Variants in MOSPD2 observed in about 807,000 individuals in gnomAD.
MOSPD2 encodes the protein motile sperm domain containing 2, also known as motile sperm domain-containing protein 2.
A neutral mutation model predicts 41.7 loss-of-function variants in MOSPD2; 5 were observed. The ratio of observed to expected loss-of-function variants is 0.12; its 90% CI spans 0.06 to 0.25. The LOEUF (loss-of-function observed/expected upper bound fraction) is 0.25, where lower values mean the gene tolerates loss of function less well. Among genes scored for constraint, MOSPD2 ranks in the 10% least tolerant of loss-of-function variants. MOSPD2 has a pLI of 1.00. For synonymous variants in MOSPD2, 115 were observed against 126.9 expected, an observed-to-expected ratio of 0.91 and a Z score of 0.63; for missense variants, 282 against 375.2, an observed-to-expected ratio of 0.75 and a Z score of 2.05.
chrX:14,910,160 A>C (rs2092589128), intron 8 of MOSPD2, among the ~76,000 whole-genome samples: 2 of 110,609 alleles, frequency 1.8e-5, no homozygotes, highest in South Asian at 3.7e-4. Flanking sequence ...TTTTTCAAAA[A>C]ATAATACATA....
At chrX:14,893,957 T>C (rs1357321182) in intron 3 of MOSPD2, among the ~76,000 whole-genome samples, 1 of 112,042 alleles carries the variant, frequency 8.9e-6, no homozygotes, top group Non-Finnish European at 1.9e-5. Flanking sequence ...GAAAGATAAA[T>C]CTTTGAAAGG....
At chrX:14,873,603 C>A in intron 1 of MOSPD2, 66 bp downstream of exon 1, 5 of 1,208,083 alleles carry the variant, frequency 4.1e-6, no homozygotes, top group Non-Finnish European at 4.5e-6. Context: ...GCCCGGGGAC[C>A]GAGCGCCCGT....
intron 2 of MOSPD2, among the ~76,000 whole-genome samples, chrX:14,889,883 GACA>G (rs1354455119): frequency 9.0e-6 from 1 of 111,363 alleles, no homozygotes; most frequent in Non-Finnish European, 1.9e-5. Flanking sequence ...TGGTAAAAAT[GACA>G]ACAACAACAA....
intron 2 of MOSPD2, among the ~76,000 whole-genome samples, chrX:14,879,838 A>T (rs1341045455): frequency 9.0e-6 from 1 of 111,158 alleles, no homozygotes; most frequent in Non-Finnish European, 1.9e-5. Flanking sequence ...AACTTAAAAA[A>T]AAATTGCCCA....
At chrX:14,919,186 A>G in intron 14 of MOSPD2, among the ~76,000 whole-genome samples, 1 of 111,981 alleles carries the variant, frequency 8.9e-6, no homozygotes, top group Non-Finnish European at 1.9e-5. Context: ...AGCCTGGGCA[A>G]CAGAACAAGA....
Position 14,914,431 on chromosome X carries a change from C to A in MOSPD2, c.993-72C>A, listed in dbSNP as rs1034703029. ...CATAAGATATTAACTAAATATTTTT[C>A]TTCAAGCTAAATGATTAGATTGTCA... On this transcript the variant is annotated intron_variant, in intron 10 of 14. Coordinates refer to ENST00000380492, the MANE Select transcript of MOSPD2 (RefSeq NM_152581.4). 37 of 658,024 alleles carry A rather than the reference C, an allele frequency of 5.6e-5. No homozygotes were observed. The Admixed American group carries it at 6.9e-4, about 12-fold the overall frequency. The allele number at this position is 658,024 out of a possible 1,213,427, so 54.2% of individuals were successfully genotyped here.
chrX:14,899,606 A>ACACACACACAC (rs1569103813), intron 5 of MOSPD2, among the ~76,000 whole-genome samples: 5 of 105,598 alleles, frequency 4.7e-5, no homozygotes, highest in Admixed American at 1.0e-4. Context: ...ACACACACAC[A>ACACACACACAC]AAGGTATTAT....
intron 7 of MOSPD2, among the ~76,000 whole-genome samples, chrX:14,906,395 A>G (rs1350807680): frequency 8.9e-6 from 1 of 111,791 alleles, no homozygotes; most frequent in Non-Finnish European, 1.9e-5. Context: ...TCCACATTCA[A>G]AGGAATGAAG....
chrX:14,892,903 C>G, intron 3 of MOSPD2, 25 bp downstream of exon 3: 2 of 1,115,577 alleles, frequency 1.8e-6, no homozygotes, highest in East Asian at 6.0e-5. Flanking sequence ...TTAACCTTGA[C>G]TGTAATATAT....
chrX:14,919,684 C>G lies in MOSPD2; in HGVS notation c.1432C>G (p.Leu478Val). 8.3e-7 allele frequency: 1 copy of G among 1,205,490 alleles called. No homozygotes were observed. Among genetic ancestry groups the G allele is most frequent in the Non-Finnish European group, 1.1e-6 (1 of 891,264 alleles). Reference protein sequence around the residue: ...EDICLQLSRLLESNRKLEDQV... With the variant: ...EDICLQLSRLVESNRKLEDQV... ...CTTCCCTCTTCAGCTCAGTCGTTTA[C>G]TAGAAAGCAATAGGAAGCTTGAAGA... The change falls in exon 15 of 15, where the codon CTA becomes GTA. Residue 478 changes from leucine (L) to valine (V), a missense_variant. Leu to Val is a conservative substitution (Grantham distance 32, BLOSUM62 1). Around this residue, in one of 3 missense-constraint regions of MOSPD2, gnomAD observed 94 missense variants for 102.1 expected, o/e 0.92. Transcript: ENST00000380492.
At chrX:14,882,139 T>C (rs2092532558) in intron 2 of MOSPD2, among the ~76,000 whole-genome samples, 1 of 111,745 alleles carries the variant, frequency 8.9e-6, no homozygotes, top group African/African-American at 3.3e-5. Flanking sequence ...GGAATACTAT[T>C]CAGCCTTTTA....
At chrX:14,907,855 TTA>T (rs1490548045) in intron 7 of MOSPD2, among the ~76,000 whole-genome samples, 3 of 111,552 alleles carry the variant, frequency 2.7e-5, no homozygotes, top group African/African-American at 9.8e-5. Flanking sequence ...GGCATGTAAA[TTA>T]TATCTCAATA....
chrX:14,893,043 G>A, intron 3 of MOSPD2, 165 bp downstream of exon 3: 1 of 373,466 alleles, frequency 2.7e-6, no homozygotes, highest in Non-Finnish European at 4.6e-6. Flanking sequence ...CAGCTTATAA[G>A]TCTTTTAAGT....
intron 9 of MOSPD2, among the ~76,000 whole-genome samples, chrX:14,911,662 A>AGGATC (rs1351858714): frequency 8.9e-6 from 1 of 112,039 alleles, no homozygotes; most frequent in African/African-American, 3.2e-5. Flanking sequence ...CTGAGGTGGA[A>AGGATC]GGATCGCTTG....
intron 7 of MOSPD2, among the ~76,000 whole-genome samples, chrX:14,904,367 T>C (rs1209222354): frequency 3.6e-5 from 4 of 111,958 alleles, no homozygotes; most frequent in Admixed American, 1.9e-4. Flanking sequence ...GGGAAAATTA[T>C]GTGATCATCT....
intron 2 of MOSPD2, among the ~76,000 whole-genome samples, chrX:14,888,762 GGTGTGTGTGTGTGTGTGTGTGTTT>G (rs2092547757): frequency 1.9e-5 from 2 of 105,983 alleles, no homozygotes; most frequent in African/African-American, 6.9e-5. Context: ...ATGTCCTAGG[GGTGTGTGTGTGTGTGTGTGTGTTT>G]GTGTGCATGC....
At chrX:14,908,731 T>A in intron 7 of MOSPD2, 129 bp from the exon 8 acceptor site, 1 of 550,114 alleles carries the variant, frequency 1.8e-6, no homozygotes, top group African/African-American at 2.3e-5. Context: ...ATTAAGTACA[T>A]CACGTAAAGA....
At position 14,892,342 on chromosome X, in the gene MOSPD2, G is replaced by C. The variant is rs186536867; in HGVS notation, c.80-381G>C. ...TCACATGGTGAGAGAGAAAAGGCAA[G>C]AGAGAAAGGAGGAGGTGCCAGGCTC... On this transcript the variant is annotated intron_variant, in intron 2 of 14. Transcript: ENST00000380492. Among the ~76,000 whole-genome samples, 8 of 111,815 alleles carry C rather than the reference G, an allele frequency of 7.2e-5. No homozygotes were observed. In the East Asian group the frequency reaches 2.0e-3, roughly 28 times the overall value.
intron 7 of MOSPD2, among the ~76,000 whole-genome samples, chrX:14,907,625 T>G (rs2092584488): frequency 1.8e-5 from 2 of 112,315 alleles, no homozygotes; most frequent in African/African-American, 6.5e-5. Flanking sequence ...TATGGTTTCA[T>G]TTATATAAAA....
Sources: allele counts gnomAD v4.1 joint callset (sites outside exome capture counted in the v4.1 genomes callset), GRCh38; gene constraint gnomAD v4.1.1; regional missense constraint gnomAD v4.1.1; transcripts MANE v1.5; gene names NCBI Gene and HGNC (gene_info 2026-07-23, HGNC 2026-07-21).